Variants in FOXP1 observed in about 807,000 individuals in gnomAD.
The protein encoded by FOXP1 is forkhead box P1.
FOXP1 carries 15 observed loss-of-function variants against 98.2 expected under a neutral mutation model. That is an observed-to-expected ratio of 0.15 (90% CI 0.10 to 0.24). FOXP1 has a LOEUF of 0.24. Ranked by LOEUF, FOXP1 falls within the 10% of genes least tolerant of loss-of-function variation. The probability of loss-of-function intolerance (pLI) is 1.00; values close to 1 mark genes in which losing one functional copy is unlikely to be tolerated. For synonymous variants in FOXP1, 371 were observed against 314.5 expected, an observed-to-expected ratio of 1.18 and a Z score of -1.90; for missense variants, 633 against 848.5, an observed-to-expected ratio of 0.75 and a Z score of 3.15.
chr3:71,026,195 T>G (rs2046093970), intron 11 of FOXP1, among the ~76,000 whole-genome samples: 2 of 152,230 alleles, frequency 1.3e-5, no homozygotes, highest in Admixed American at 1.3e-4. Context: ...TGTCTCCAAC[T>G]TCTGATTTCA....
At chr3:71,031,167 A>T (rs2046815639) in intron 11 of FOXP1, among the ~76,000 whole-genome samples, 1 of 152,214 alleles carries the variant, frequency 6.6e-6, no homozygotes, top group South Asian at 2.1e-4. Context: ...CTCAACATTC[A>T]CAGCCAAGAT....
At chr3:71,428,886 G>A (rs2084410378) in intron 3 of FOXP1, among the ~76,000 whole-genome samples, 2 of 152,204 alleles carry the variant, frequency 1.3e-5, no homozygotes, top group Admixed American at 1.3e-4. Flanking sequence ...GCTCGGCCAG[G>A]AGGCACTGCT....
intron 14 of FOXP1, among the ~76,000 whole-genome samples, chr3:70,979,087 T>C (rs894221885): frequency 3.3e-5 from 5 of 151,124 alleles, no homozygotes; most frequent in Admixed American, 2.0e-4. Context: ...GACAACATGG[T>C]GAAACTCTGT....
At chr3:71,200,365 C>T (rs1379459805) in intron 5 of FOXP1, among the ~76,000 whole-genome samples, 3 of 152,250 alleles carry the variant, frequency 2.0e-5, no homozygotes, top group African/African-American at 7.2e-5. Flanking sequence ...CCCCAGTTTG[C>T]GGATGAGAAA....
At chr3:71,305,114 CT>C in intron 4 of FOXP1, among the ~76,000 whole-genome samples, 1 of 152,290 alleles carries the variant, frequency 6.6e-6, no homozygotes, top group East Asian at 1.9e-4. Context: ...TTCTCTGAGT[CT>C]GTTTTTAAAA....
chr3:70,962,151 C>T (rs1391134697), intron 20 of FOXP1, among the ~76,000 whole-genome samples: 6 of 152,116 alleles, frequency 3.9e-5, no homozygotes, highest in Non-Finnish European at 7.4e-5. Context: ...AGCAGGAATG[C>T]TATTTTTTAA....
At chr3:70,996,313 G>T (rs1355835610) in intron 13 of FOXP1, among the ~76,000 whole-genome samples, 2 of 152,156 alleles carry the variant, frequency 1.3e-5, no homozygotes, top group African/African-American at 4.8e-5. Context: ...AATACACAGG[G>T]ACAGGACAGC....
At chr3:71,413,222 CA>C (rs1174660400) in intron 3 of FOXP1, among the ~76,000 whole-genome samples, 8 of 75,268 alleles carry the variant, frequency 1.1e-4, no homozygotes, top group African/African-American at 4.3e-4. Flanking sequence ...GACACACACA[CA>C]CCCCCCCAAA....
rs2054987157 is a variant in FOXP1, at chr3:71,085,735, C to CTTTTTTGTTTTTTTTTTTTTTTT, written c.282+26800_282+26801insAAAAAAAAAAAAAAAACAAAAAA. On this transcript the variant is annotated intron_variant, in intron 7 of 20. Transcript: ENST00000649528. ...TTGTATGGTGGGTATCATTTATGGC[C>CTTTTTTGTTTTTTTTTTTTTTTT]TTTTTTTTTTTTTTACATGGAGTCT... Among the ~76,000 whole-genome samples the CTTTTTTGTTTTTTTTTTTTTTTT allele has an allele frequency of 5.4e-5, 2 of 37,038 alleles. 1 individual carries two copies. Among genetic ancestry groups the CTTTTTTGTTTTTTTTTTTTTTTT allele is most frequent in the Admixed American group, 1.1e-3 (2 of 1,746 alleles). 24.3% of individuals were successfully genotyped at this position (37,038 alleles called of 152,430 possible).
chr3:71,223,957 C>T (rs2065625847), intron 5 of FOXP1, among the ~76,000 whole-genome samples: 1 of 152,160 alleles, frequency 6.6e-6, no homozygotes, highest in Non-Finnish European at 1.5e-5. Flanking sequence ...CTTGGATAAT[C>T]ACGCTCCCTA....
At chr3:71,436,025 G>C (rs1453415237) in intron 3 of FOXP1, among the ~76,000 whole-genome samples, 1 of 151,124 alleles carries the variant, frequency 6.6e-6, no homozygotes. Flanking sequence ...GAAGAAAGGG[G>C]GGAGAATCTG....
chr3:70,961,253 C>T (rs866335306), intron 20 of FOXP1, among the ~76,000 whole-genome samples: 2 of 151,902 alleles, frequency 1.3e-5, no homozygotes, highest in South Asian at 4.1e-4. Flanking sequence ...TTTATTGAGA[C>T]ATAGTCGTGC....
At chr3:71,117,716 A>G (rs986955835) in intron 6 of FOXP1, among the ~76,000 whole-genome samples, 1 of 152,222 alleles carries the variant, frequency 6.6e-6, no homozygotes, top group Non-Finnish European at 1.5e-5. Flanking sequence ...AAAAGGTCCA[A>G]TCCCATCTCT....
At chr3:71,473,762 T>A (rs1194033864) in intron 3 of FOXP1, among the ~76,000 whole-genome samples, 1 of 152,182 alleles carries the variant, frequency 6.6e-6, no homozygotes, top group Non-Finnish European at 1.5e-5. Flanking sequence ...TTAGGAGCTG[T>A]GTGGGAGCAT....
At chr3:71,121,088 C>T (rs557680939) in intron 6 of FOXP1, among the ~76,000 whole-genome samples, 3 of 148,256 alleles carry the variant, frequency 2.0e-5, no homozygotes, top group East Asian at 2.0e-4. Flanking sequence ...GAAAAAATTA[C>T]GCAAATGTTT....
intron 3 of FOXP1, among the ~76,000 whole-genome samples, chr3:71,410,500 A>T (rs1329702113): frequency 6.6e-6 from 1 of 152,228 alleles, no homozygotes; most frequent in Non-Finnish European, 1.5e-5. Context: ...CACAAGAGGC[A>T]CAACCTCCTT....
At chr3:71,371,888 T>C (rs1263879163) in intron 3 of FOXP1, among the ~76,000 whole-genome samples, 2 of 152,158 alleles carry the variant, frequency 1.3e-5, no homozygotes, top group Admixed American at 1.3e-4. Flanking sequence ...GCCACACTGG[T>C]CTTTCTGACC....
intron 5 of FOXP1, among the ~76,000 whole-genome samples, chr3:71,232,877 C>CA (rs59404230): frequency 0.016 from 500 of 31,400 alleles, 29 homozygotes; most frequent in Middle Eastern, 0.091. Flanking sequence ...AACTCTGTCT[C>CA]AAAAAAAAAA....
At chr3:71,273,866 A>C (rs2070637518) in intron 5 of FOXP1, among the ~76,000 whole-genome samples, 1 of 152,226 alleles carries the variant, frequency 6.6e-6, no homozygotes, top group Admixed American at 6.5e-5. Flanking sequence ...AAATGAGAAG[A>C]GGGCAGTGCA....
Sources: gnomAD v4.1 joint callset for allele counts (sites outside exome capture counted in the v4.1 genomes callset) on GRCh38, gnomAD v4.1.1 for gene constraint, MANE v1.5 for transcripts, NCBI Gene and HGNC (gene_info 2026-07-23, HGNC 2026-07-21) for gene names.